Variants in FIBCD1 observed in about 807,000 individuals in gnomAD.
FIBCD1 encodes fibrinogen C domain-containing protein 1.
Under a neutral mutation model 45.1 loss-of-function variants are expected in FIBCD1, and 47 were observed. The ratio of observed to expected loss-of-function variants is 1.04; its 90% confidence interval spans 0.82 to 1.33. The LOEUF is 1.33. Ranked by LOEUF, FIBCD1 falls within the 40% of genes most tolerant of loss-of-function variation. FIBCD1 has a pLI of 0.00. For synonymous variants in FIBCD1, 313 were observed against 308.1 expected (o/e 1.02, Z -0.17); for missense variants, 653 against 682.2 (o/e 0.96, Z 0.48).
chr9:130,919,952 C>G (rs549995343), intron 4 of FIBCD1, among the ~76,000 whole-genome samples: 1 of 135,278 alleles, frequency 7.4e-6, no homozygotes, highest in Non-Finnish European at 1.6e-5. Flanking sequence ...GCAGTGGGGA[C>G]AAGACTGTGC....
intron 2 of FIBCD1, among the ~76,000 whole-genome samples, chr9:130,927,142 C>A (rs1832375073): frequency 6.6e-6 from 1 of 151,626 alleles, no homozygotes; most frequent in Non-Finnish European, 1.5e-5. Context: ...ACTTAGAAGG[C>A]TGAGGTGGGA....
At chr9:130,936,627 C>T (rs1051309866) in intron 1 of FIBCD1, among the ~76,000 whole-genome samples, 13 of 152,270 alleles carry the variant, frequency 8.5e-5, no homozygotes, top group Non-Finnish European at 1.6e-4. Context: ...CCAGAAGGCA[C>T]CTCCCCTTGA....
chr9:130,931,936 G>A (rs555651074), intron 1 of FIBCD1, among the ~76,000 whole-genome samples: 35 of 152,372 alleles, frequency 2.3e-4, no homozygotes, highest in African/African-American at 7.2e-4. Context: ...TGCCTGGCAC[G>A]TTGTGCTGGC....
Position 130,903,900 on chromosome 9 carries a change from A to C in FIBCD1, c.*164T>G, listed in dbSNP as rs1201449195. The C allele has an allele frequency of 1.1e-6, 1 of 880,162 alleles. No homozygotes were observed. The highest frequency in any genetic ancestry group is 1.7e-5 in the African/African-American group (1 of 60,306). 54.5% of individuals were successfully genotyped at this position (880,162 alleles called of 1,614,324 possible). ...GGGGACGGCGAGAAGGCGATGTGTG[A>C]CTTCACCGGCCCAGGGAGCTTCGTG... On this transcript the variant is annotated 3_prime_UTR_variant, in exon 7 of 7. Coordinates refer to ENST00000372338, the MANE Select transcript of FIBCD1 (RefSeq NM_032843.5).
At chr9:130,927,267 G>A (rs112639510) in intron 2 of FIBCD1, among the ~76,000 whole-genome samples, 3,801 of 151,928 alleles carry the variant, frequency 0.025, 75 homozygotes, top group Non-Finnish European at 0.04. Context: ...AAAAGAAAAG[G>A]GAGTTTTCAA....
At chr9:130,919,217 C>G (rs1374966994) in intron 4 of FIBCD1, among the ~76,000 whole-genome samples, 1 of 152,246 alleles carries the variant, frequency 6.6e-6, no homozygotes, top group Admixed American at 6.5e-5. Flanking sequence ...GGCACGCTTT[C>G]TTTGCACGAT....
chr9:130,913,361 G>A (rs908511337), intron 4 of FIBCD1, among the ~76,000 whole-genome samples: 12 of 151,740 alleles, frequency 7.9e-5, no homozygotes, highest in Non-Finnish European at 1.3e-4. Flanking sequence ...CTGCGGCACC[G>A]GCGAGCTGCC....
chr9:130,919,236 G>C (rs1048690337), intron 4 of FIBCD1, among the ~76,000 whole-genome samples: 16 of 152,344 alleles, frequency 1.1e-4, no homozygotes, highest in African/African-American at 3.1e-4. Context: ...ATGAACGAAG[G>C]AAATGTGAGG....
In FIBCD1 at chr9:130,923,743, C is replaced by T; in HGVS notation, c.849+1G>A. 6.2e-7 allele frequency: 1 copy of T among 1,611,720 alleles called. No individual in the cohort carries two copies. Among genetic ancestry groups the T allele is most frequent in the Non-Finnish European group, 8.5e-7 (1 of 1,179,734 alleles). ...CCGCCCGCCCAGCCTGGGACACTCA[C>T]CGTCCAGCCGCCGCCGTCCGTGCGC... On this transcript the variant is annotated splice_donor_variant, in intron 4 of 6. Transcript: ENST00000372338. LOFTEE classifies it high-confidence loss of function.
At position 130,904,223 on chromosome 9, in the gene FIBCD1, C is replaced by T; in HGVS notation, c.1227G>A (p.Trp409Ter). ...NNCAAFYRGAWWYRNCHTSNL... is the reference protein window; with the variant it reads ...NNCAAFYRGA ...TGGACGTGTGGCAGTTGCGGTACCACCAGGCACCGCGGTAGAAGGCGGCAC... is the reference window on the plus strand; with the variant it reads ...TGGACGTGTGGCAGTTGCGGTACCATCAGGCACCGCGGTAGAAGGCGGCAC... The change falls in exon 7 of 7, where the codon TGG becomes TGA. Residue 409 changes from tryptophan (W) to a stop codon, truncating the protein, a stop_gained. Transcript: ENST00000372338. LOFTEE classifies it high-confidence loss of function. The T allele has an allele frequency of 6.2e-7, 1 of 1,613,796 alleles. No individual in the cohort carries two copies. The highest frequency in any genetic ancestry group is 8.5e-7 in the Non-Finnish European group (1 of 1,180,012).
Position 130,924,232 on chromosome 9 carries a change from C to T in FIBCD1, c.712+5G>A. On this transcript the variant is annotated splice_donor_5th_base_variant and intron_variant, in intron 3 of 6. Transcript: ENST00000372338. ...CCGGAGGAAGGCAGGCCCTGCCCCA[C>T]TCACCAGTGGCACAGCCCCGGGGCC... 2 of 1,583,742 alleles carry T rather than the reference C, an allele frequency of 1.3e-6. No individual in the cohort carries two copies. Among genetic ancestry groups the T allele is most frequent in the East Asian group, 2.3e-5 (1 of 44,184 alleles).
intron 1 of FIBCD1, among the ~76,000 whole-genome samples, chr9:130,936,924 G>A (rs1249605164): frequency 6.6e-6 from 1 of 152,192 alleles, no homozygotes; most frequent in Non-Finnish European, 1.5e-5. Context: ...GGAGGTGGCA[G>A]CATTTGAGCT....
chr9:130,910,978 GCC>G (rs1832026632), intron 5 of FIBCD1, among the ~76,000 whole-genome samples: 2 of 152,202 alleles, frequency 1.3e-5, no homozygotes, highest in Non-Finnish European at 2.9e-5. Context: ...GCACCAATCA[GCC>G]CCCTGTCAAA....
At chr9:130,917,203 G>A (rs975419488) in intron 4 of FIBCD1, among the ~76,000 whole-genome samples, 8 of 152,344 alleles carry the variant, frequency 5.3e-5, no homozygotes, top group South Asian at 2.1e-4. Flanking sequence ...CCGGGGGGGC[G>A]TCTCTCTTGG....
At chr9:130,936,268 A>G (rs1832518820) in intron 1 of FIBCD1, 1 of 152,378 alleles carries the variant, frequency 6.6e-6, no homozygotes, top group South Asian at 2.1e-4. Flanking sequence ...GGAGGAGAGA[A>G]GGCTGGCCCA....
chr9:130,917,717 C>T (rs918065341), intron 4 of FIBCD1, among the ~76,000 whole-genome samples: 3 of 152,298 alleles, frequency 2.0e-5, no homozygotes, highest in South Asian at 2.1e-4. Flanking sequence ...CCCTAGCACC[C>T]GGCCAGTGCC....
intron 1 of FIBCD1, among the ~76,000 whole-genome samples, chr9:130,935,112 T>G (rs1249943759): frequency 6.6e-6 from 1 of 152,126 alleles, no homozygotes; most frequent in African/African-American, 2.4e-5. Context: ...CTGAGTAAAT[T>G]TAATGCAGCA....
At position 130,904,059 on chromosome 9, in the gene FIBCD1, C is replaced by T. The variant is rs775078949; in HGVS notation, c.*5G>A. ...CCAGCAGGGCCAAGGACAAGGTGCA[C>T]CAGTCTAGCGGTCCTCCCGGACCGG... On this transcript the variant is annotated 3_prime_UTR_variant, in exon 7 of 7. Coordinates refer to ENST00000372338, the MANE Select transcript of FIBCD1 (RefSeq NM_032843.5). 5 of 1,611,548 alleles carry T rather than the reference C, an allele frequency of 3.1e-6. No individual in the cohort carries two copies. In the Admixed American group the frequency reaches 6.7e-5, roughly 22 times the overall value.
At chr9:130,934,749 A>T (rs990534343) in intron 1 of FIBCD1, among the ~76,000 whole-genome samples, 1 of 151,866 alleles carries the variant, frequency 6.6e-6, no homozygotes, top group African/African-American at 2.4e-5. Flanking sequence ...GATGGCACCA[A>T]CCCTACCTGT....
Sources: gnomAD v4.1 joint callset for allele counts (sites outside exome capture counted in the v4.1 genomes callset) on GRCh38, gnomAD v4.1.1 for gene constraint, MANE v1.5 for transcripts, NCBI Gene and HGNC (gene_info 2026-07-23, HGNC 2026-07-21) for gene names.